The following DCC variants were observed in gnomAD, a reference collection of about 807,000 sequenced individuals.
DCC encodes the protein DCC netrin 1 receptor.
Under a neutral mutation model 172.5 loss-of-function variants are expected in DCC, and 58 were observed. That is an observed-to-expected ratio of 0.34 (90% CI 0.27 to 0.42). The LOEUF (loss-of-function observed/expected upper bound fraction) is 0.42, where lower values mean the gene tolerates loss of function less well. Among genes scored for constraint, DCC ranks in the 10% least tolerant of loss-of-function variants. DCC has a pLI of 1.00. For synonymous variants in DCC, 709 were observed against 644.5 expected (o/e 1.10, Z -1.52); for missense variants, 1,740 against 1,791.0 (o/e 0.97, Z 0.51).
chr18:52,720,927 C>A (rs1452563619), intron 1 of DCC, among the ~76,000 whole-genome samples: 1 of 152,164 alleles, frequency 6.6e-6, no homozygotes, highest in Non-Finnish European at 1.5e-5. Flanking sequence ...ATCCTCCTTG[C>A]AGATAATCAC....
intron 1 of DCC, among the ~76,000 whole-genome samples, chr18:52,511,742 A>C (rs930375052): frequency 6.6e-6 from 1 of 152,228 alleles, no homozygotes. Context: ...AATCCCACAT[A>C]CAAATAGACT....
At chr18:53,085,947 G>A (rs55808525) in intron 7 of DCC, among the ~76,000 whole-genome samples, 32,758 of 68,810 alleles carry the variant, frequency 0.48, 7,852 homozygotes, top group African/African-American at 0.68. Flanking sequence ...CAGCTTTGGT[G>A]GAGTATTTTC....
chr18:53,098,688 T>G (rs1375427919), intron 7 of DCC, among the ~76,000 whole-genome samples: 7 of 152,170 alleles, frequency 4.6e-5, no homozygotes, highest in Non-Finnish European at 8.8e-5. Flanking sequence ...ATTTCCCTAC[T>G]TTAAAGTTAC....
intron 12 of DCC, among the ~76,000 whole-genome samples, chr18:53,268,894 T>A (rs2056714220): frequency 6.6e-6 from 1 of 152,200 alleles, no homozygotes. Flanking sequence ...GAACTAGGGC[T>A]GCAAAGACCA....
At chr18:53,219,541 CATT>C (rs1054531574) in intron 12 of DCC, among the ~76,000 whole-genome samples, 12 of 152,156 alleles carry the variant, frequency 7.9e-5, no homozygotes, top group African/African-American at 2.9e-4. Flanking sequence ...GGATTCCTCT[CATT>C]ATATCACCTC....
chr18:53,309,365 G>C (rs554463084), intron 13 of DCC, among the ~76,000 whole-genome samples: 1 of 152,076 alleles, frequency 6.6e-6, no homozygotes, highest in African/African-American at 2.4e-5. Context: ...TAGGACATTA[G>C]AGATAGAGCC....
chr18:52,952,667 A>C (rs766298015), intron 5 of DCC, among the ~76,000 whole-genome samples: 1 of 152,072 alleles, frequency 6.6e-6, no homozygotes, highest in Non-Finnish European at 1.5e-5. Context: ...TTACTTCTTT[A>C]TATGTTGACA....
intron 14 of DCC, among the ~76,000 whole-genome samples, chr18:53,329,601 G>A (rs916331932): frequency 1.3e-5 from 2 of 151,948 alleles, no homozygotes; most frequent in African/African-American, 2.4e-5. Flanking sequence ...AACTATAAAA[G>A]ACATGAGTAA....
At chr18:53,381,069 T>A (rs1333893026) in intron 15 of DCC, among the ~76,000 whole-genome samples, 2 of 152,182 alleles carry the variant, frequency 1.3e-5, no homozygotes, top group East Asian at 3.8e-4. Context: ...TAGGTATCAA[T>A]ATTAGCAAGA....
At chr18:52,360,411 G>A (rs769525733) in intron 1 of DCC, among the ~76,000 whole-genome samples, 1 of 152,202 alleles carries the variant, frequency 6.6e-6, no homozygotes, top group Non-Finnish European at 1.5e-5. Context: ...ATTCACATAT[G>A]TGCTGCAATT....
At chr18:52,775,185 G>A (rs2037407578) in intron 2 of DCC, among the ~76,000 whole-genome samples, 1 of 152,150 alleles carries the variant, frequency 6.6e-6, no homozygotes, top group African/African-American at 2.4e-5. Flanking sequence ...CGCAGGGTGT[G>A]TGACATGGGG....
At chr18:52,618,351 C>A (rs970046638) in intron 1 of DCC, among the ~76,000 whole-genome samples, 4 of 152,016 alleles carry the variant, frequency 2.6e-5, no homozygotes, top group Non-Finnish European at 5.9e-5. Context: ...GCAGAATAAA[C>A]TATTTGTTTC....
intron 8 of DCC, among the ~76,000 whole-genome samples, chr18:53,167,869 T>C (rs2054947157): frequency 6.6e-6 from 1 of 152,190 alleles, no homozygotes; most frequent in Non-Finnish European, 1.5e-5. Flanking sequence ...CAGCTAAACA[T>C]TTCCTTTGAA....
At chr18:52,626,173 G>GC (rs1233314849) in intron 1 of DCC, among the ~76,000 whole-genome samples, 2 of 152,136 alleles carry the variant, frequency 1.3e-5, no homozygotes, top group African/African-American at 4.8e-5. Flanking sequence ...CTGCATGGAT[G>GC]CCTAGTAAAC....
chr18:52,973,107 T>G (rs1367322314), intron 5 of DCC, among the ~76,000 whole-genome samples: 1 of 152,216 alleles, frequency 6.6e-6, no homozygotes, highest in East Asian at 1.9e-4. Flanking sequence ...TCAATGTTTG[T>G]TGAATGGATA....
At chr18:53,237,521 A>T (rs1478089703) in intron 12 of DCC, among the ~76,000 whole-genome samples, 1 of 152,156 alleles carries the variant, frequency 6.6e-6, no homozygotes, top group Non-Finnish European at 1.5e-5. Context: ...TTGAGTGCTC[A>T]TGCAGGGTGC....
chr18:52,733,394 G>C (rs1017438651), intron 1 of DCC, among the ~76,000 whole-genome samples: 3 of 152,102 alleles, frequency 2.0e-5, no homozygotes, highest in African/African-American at 4.8e-5. Flanking sequence ...TCACATTTTT[G>C]ATCATTTGGT....
At chr18:53,026,946 C>T (rs1246712154) in intron 5 of DCC, among the ~76,000 whole-genome samples, 2 of 151,992 alleles carry the variant, frequency 1.3e-5, no homozygotes, top group African/African-American at 4.8e-5. Flanking sequence ...TAATGACATC[C>T]CATCTTTGAA....
chr18:52,645,473 C>A (rs1445721467), intron 1 of DCC, among the ~76,000 whole-genome samples: 1 of 151,970 alleles, frequency 6.6e-6, no homozygotes, highest in Non-Finnish European at 1.5e-5. Context: ...CATGAGATAA[C>A]TGGATATTAT....
Sources: allele counts gnomAD v4.1 joint callset (sites outside exome capture counted in the v4.1 genomes callset), GRCh38; gene constraint gnomAD v4.1.1; transcripts MANE v1.5; gene names NCBI Gene and HGNC (gene_info 2026-07-23, HGNC 2026-07-21).